Variants in FRAS1 observed in about 807,000 individuals in gnomAD.
FRAS1 encodes Fraser extracellular matrix complex subunit 1.
Under a neutral mutation model 435.2 loss-of-function variants are expected in FRAS1, and 290 were observed. That is an observed-to-expected ratio of 0.67 (90% confidence interval 0.61 to 0.73). The LOEUF (loss-of-function observed/expected upper bound fraction) is 0.73. FRAS1 is among the 30% of genes least tolerant of loss of function. The pLI, the probability that FRAS1 is intolerant of heterozygous loss-of-function variation, is 0.00. For missense variants in FRAS1, 4,860 were observed against 5,001.5 expected, an observed-to-expected ratio of 0.97 and a Z score of 0.85; for synonymous variants, 1,800 against 1,851.0, an observed-to-expected ratio of 0.97 and a Z score of 0.71.
intron 1 of FRAS1, among the ~76,000 whole-genome samples, chr4:78,062,386 A>G (rs1160275395): frequency 6.6e-6 from 1 of 152,204 alleles, no homozygotes; most frequent in Admixed American, 6.5e-5. Context: ...ACACAGCCAT[A>G]TGCTGAATTA....
At chr4:78,260,225 T>C (rs1434618363) in intron 6 of FRAS1, among the ~76,000 whole-genome samples, 1 of 151,650 alleles carries the variant, frequency 6.6e-6, no homozygotes, top group Non-Finnish European at 1.5e-5. Flanking sequence ...AGTAGTTTTT[T>C]CCAATTCTGT....
At chr4:78,377,739 T>A (rs1216373111) in intron 26 of FRAS1, among the ~76,000 whole-genome samples, 1 of 152,164 alleles carries the variant, frequency 6.6e-6, no homozygotes, top group East Asian at 1.9e-4. Context: ...GCAGGTCTGA[T>A]GTGGCAGGTG....
chr4:78,121,735 G>T (rs533472000), intron 2 of FRAS1, among the ~76,000 whole-genome samples: 1 of 152,310 alleles, frequency 6.6e-6, no homozygotes, highest in South Asian at 2.1e-4. Context: ...CAGTAGAACA[G>T]CTATGTTGTA....
intron 29 of FRAS1, 21 bp downstream of exon 29, chr4:78,387,722 TAC>T (rs1188569508): frequency 1.4e-6 from 2 of 1,457,894 alleles, no homozygotes; most frequent in East Asian, 2.3e-5. Context: ...TTCCTAGAGT[TAC>T]AGTTTCTTTG....
At chr4:78,341,760 A>C (rs185125555) in intron 20 of FRAS1, among the ~76,000 whole-genome samples, 15 of 152,276 alleles carry the variant, frequency 9.9e-5, no homozygotes, top group African/African-American at 3.4e-4. Flanking sequence ...GGGTAGGAAT[A>C]GATCTAGGAG....
intron 63 of FRAS1, among the ~76,000 whole-genome samples, chr4:78,510,646 C>CA (rs1325034593): frequency 3.3e-5 from 5 of 152,316 alleles, no homozygotes; most frequent in Middle Eastern, 3.4e-3. Context: ...ATTGCCTCTG[C>CA]ATAGATTGAG....
intron 2 of FRAS1, among the ~76,000 whole-genome samples, chr4:78,188,711 A>C (rs1299414998): frequency 6.6e-6 from 1 of 152,214 alleles, no homozygotes; most frequent in Non-Finnish European, 1.5e-5. Flanking sequence ...ACTGACCATC[A>C]CATAAGGGTT....
At chr4:78,140,799 T>C (rs908608654) in intron 2 of FRAS1, among the ~76,000 whole-genome samples, 11 of 151,674 alleles carry the variant, frequency 7.3e-5, no homozygotes, top group African/African-American at 2.2e-4. Context: ...CATGTATATA[T>C]ATGATGGAAT....
intron 20 of FRAS1, among the ~76,000 whole-genome samples, chr4:78,338,916 A>T (rs1004994939): frequency 1.2e-4 from 19 of 152,206 alleles, no homozygotes; most frequent in African/African-American, 4.6e-4. Context: ...TTTGGTATTA[A>T]GGTCTATATC....
intron 20 of FRAS1, among the ~76,000 whole-genome samples, chr4:78,347,915 G>A (rs1390556548): frequency 6.6e-5 from 10 of 151,818 alleles, no homozygotes; most frequent in Non-Finnish European, 1.3e-4. Context: ...GTTAATTGAA[G>A]TGAACTGTTT....
Position 78,363,498 on chromosome 4 carries a change from C to G in FRAS1, c.2423-15C>G, listed in dbSNP as rs991948585. The G allele has an allele frequency of 3.1e-6, 5 of 1,601,642 alleles. No individual in the cohort carries two copies. The highest frequency in any genetic ancestry group is 4.3e-6 in the Non-Finnish European group (5 of 1,173,288). ...GAGCACCCGTGCCTTCTCTGTGCTC[C>G]CCTTCCCCCTCCAGACTGCCATCAC... On this transcript the variant is annotated splice_polypyrimidine_tract_variant and intron_variant, in intron 20 of 73. Coordinates refer to ENST00000512123, the MANE Select transcript of FRAS1 (RefSeq NM_025074.7).
At chr4:78,079,628 C>G (rs903486746) in intron 2 of FRAS1, among the ~76,000 whole-genome samples, 3 of 152,102 alleles carry the variant, frequency 2.0e-5, no homozygotes, top group African/African-American at 7.2e-5. Flanking sequence ...TCTCTCTTGG[C>G]TACACTTTCT....
intron 70 of FRAS1, among the ~76,000 whole-genome samples, chr4:78,529,302 C>T (rs1433435957): frequency 6.6e-6 from 1 of 152,022 alleles, no homozygotes; most frequent in Non-Finnish European, 1.5e-5. Context: ...ATGGGATATG[C>T]TGGGGAATTT....
In FRAS1 at chr4:78,124,344, G is replaced by A. The variant is rs188985320; in HGVS notation, c.108+58328G>A. Among the ~76,000 whole-genome samples the A allele has an allele frequency of 4.2e-3, 638 of 152,322 alleles. 4 individuals carry two copies. The highest frequency in any genetic ancestry group is 0.014 in the African/African-American group (602 of 41,566). ...AAGCCAACTTGATCGTGGTGGATAAGCTTTTTGATGTGCTGCTGGATTCAG... is the reference window on the plus strand; with the variant it reads ...AAGCCAACTTGATCGTGGTGGATAAACTTTTTGATGTGCTGCTGGATTCAG... On this transcript the variant is annotated intron_variant, in intron 2 of 73. Coordinates refer to ENST00000512123, the MANE Select transcript of FRAS1 (RefSeq NM_025074.7).
chr4:78,516,160 A>G (rs1721212855), intron 66 of FRAS1, 147 bp downstream of exon 66: 1 of 628,938 alleles, frequency 1.6e-6, no homozygotes, highest in Non-Finnish European at 2.7e-6. Flanking sequence ...CTCAAGCAAG[A>G]TCTTGGCAGC....
At chr4:78,483,766 AACTCTCTCTCT>A (rs1255138805) in intron 58 of FRAS1, among the ~76,000 whole-genome samples, 7 of 20,934 alleles carry the variant, frequency 3.3e-4, no homozygotes, top group African/African-American at 6.9e-4. Flanking sequence ...AGAAAAAAAA[AACTCTCTCTCT>A]CTCTCTATAT....
At chr4:78,195,919 T>C (rs1389298118) in intron 2 of FRAS1, among the ~76,000 whole-genome samples, 1 of 151,270 alleles carries the variant, frequency 6.6e-6, no homozygotes, top group Non-Finnish European at 1.5e-5. Flanking sequence ...TTGGCTCCCC[T>C]CTCCCTGGCA....
intron 32 of FRAS1, among the ~76,000 whole-genome samples, chr4:78,414,458 T>C (rs1232500456): frequency 6.6e-6 from 1 of 152,192 alleles, no homozygotes; most frequent in Admixed American, 6.5e-5. Flanking sequence ...CTTAGGTTAG[T>C]TTACTGTTAA....
chr4:78,068,055 ATATT>A (rs1740141583), intron 2 of FRAS1, among the ~76,000 whole-genome samples: 1 of 152,052 alleles, frequency 6.6e-6, no homozygotes, highest in Non-Finnish European at 1.5e-5. Context: ...GAGAGACAAT[ATATT>A]TATTACAATA....
Sources: gnomAD v4.1 joint callset for allele counts (sites outside exome capture counted in the v4.1 genomes callset) on GRCh38, gnomAD v4.1.1 for gene constraint, MANE v1.5 for transcripts, NCBI Gene and HGNC (gene_info 2026-07-23, HGNC 2026-07-21) for gene names.